The following CSTPP1 variants were observed in gnomAD, a reference collection of about 807,000 sequenced individuals.
The protein encoded by CSTPP1 is centriolar satellite-associated tubulin polyglutamylase complex regulator 1.
the CSTPP1 span, among the ~76,000 whole-genome samples, chr11:47,101,774 G>A: frequency 6.6e-6 from 1 of 152,074 alleles, no homozygotes; most frequent in South Asian, 2.1e-4. Context: ...ATGGAGAGAC[G>A]GGGTTGGCAG....
At chr11:46,971,297 A>G in the CSTPP1 span, among the ~76,000 whole-genome samples, 2 of 152,232 alleles carry the variant, frequency 1.3e-5, no homozygotes, top group East Asian at 3.8e-4. Context: ...TAAATAAACC[A>G]CTGGAAATAA....
At chr11:47,138,979 CAAAAAAAAAAAAAAAAAAAAA>C in the CSTPP1 span, among the ~76,000 whole-genome samples, 28 of 40,904 alleles carry the variant, frequency 6.8e-4, 1 homozygote, top group East Asian at 0.032. Flanking sequence ...GACTCCGTCT[CAAAAAAAAAAAAAAAAAAAAA>C]AAAAAAAAAA....
At chr11:47,102,225 A>T in the CSTPP1 span, among the ~76,000 whole-genome samples, 3 of 152,192 alleles carry the variant, frequency 2.0e-5, no homozygotes, top group Admixed American at 6.5e-5. Context: ...CCAGTGTGAA[A>T]AAAAGGATTT....
the CSTPP1 span, chr11:47,004,563 G>T: frequency 6.6e-6 from 1 of 152,144 alleles, no homozygotes; most frequent in African/African-American, 2.4e-5. Context: ...TTGCCTGCAT[G>T]ACTCTTAACC....
chr11:47,143,223 T>C, the CSTPP1 span, among the ~76,000 whole-genome samples: 1 of 152,226 alleles, frequency 6.6e-6, no homozygotes, highest in South Asian at 2.1e-4. Flanking sequence ...TAAACTATTC[T>C]CATTTTGTCC....
At chr11:47,101,545 A>G in the CSTPP1 span, among the ~76,000 whole-genome samples, 1 of 151,822 alleles carries the variant, frequency 6.6e-6, no homozygotes. Context: ...TCAGGAGCAT[A>G]TCATAATTTA....
chr11:47,142,481 T>C, the CSTPP1 span, among the ~76,000 whole-genome samples: 7 of 152,214 alleles, frequency 4.6e-5, no homozygotes, highest in East Asian at 1.4e-3. Flanking sequence ...GGGGATACAG[T>C]CATGAATAAG....
the CSTPP1 span, among the ~76,000 whole-genome samples, chr11:47,059,193 G>C: frequency 2.6e-5 from 4 of 152,138 alleles, no homozygotes; most frequent in Admixed American, 2.0e-4. Context: ...GGTCCTGTTG[G>C]GGGGCTGGGG....
At chr11:47,064,729 TTTTG>T in the CSTPP1 span, among the ~76,000 whole-genome samples, 972 of 152,106 alleles carry the variant, frequency 6.4e-3, 5 homozygotes, top group Non-Finnish European at 0.01. Flanking sequence ...GGTTTTTTTG[TTTTG>T]TTTGTTTGTT....
At chr11:47,159,693 C>T in the CSTPP1 span, 1 of 456,056 alleles carries the variant, frequency 2.2e-6, no homozygotes, top group African/African-American at 2.0e-5. Context: ...AACCTCATCC[C>T]CCTTTTCTAA....
At chr11:46,970,782 T>G in the CSTPP1 span, among the ~76,000 whole-genome samples, 2 of 152,154 alleles carry the variant, frequency 1.3e-5, no homozygotes, top group African/African-American at 2.4e-5. Flanking sequence ...TATGTTACAG[T>G]CCTGTCAAGC....
chr11:46,985,243 G>C, the CSTPP1 span, among the ~76,000 whole-genome samples: 1 of 152,204 alleles, frequency 6.6e-6, no homozygotes, highest in Non-Finnish European at 1.5e-5. Context: ...AGGTCACCGC[G>C]ATCATTATGG....
chr11:47,149,958 A>T, the CSTPP1 span, among the ~76,000 whole-genome samples: 1 of 152,008 alleles, frequency 6.6e-6, no homozygotes, highest in African/African-American at 2.4e-5. Context: ...GCAGCTTGAA[A>T]ATGTCTCTAG....
At chr11:47,056,400 T>C in the CSTPP1 span, among the ~76,000 whole-genome samples, 1 of 152,196 alleles carries the variant, frequency 6.6e-6, no homozygotes, top group South Asian at 2.1e-4. Flanking sequence ...TGGGGCCTCT[T>C]CAAGAATGTA....
At chr11:47,021,000 A>G in the CSTPP1 span, among the ~76,000 whole-genome samples, 1 of 152,206 alleles carries the variant, frequency 6.6e-6, no homozygotes, top group East Asian at 1.9e-4. Flanking sequence ...ATTATTCATC[A>G]GGAGTTTAGG....
the CSTPP1 span, chr11:47,157,997 C>A: frequency 1.1e-5 from 15 of 1,334,020 alleles, no homozygotes; most frequent in Non-Finnish European, 1.5e-5. Flanking sequence ...GTTAGCAACA[C>A]GGCTCCAGAG....
At chr11:47,056,625 C>G in the CSTPP1 span, among the ~76,000 whole-genome samples, 3 of 152,156 alleles carry the variant, frequency 2.0e-5, no homozygotes, top group South Asian at 6.2e-4. Context: ...ATTTCTTAGA[C>G]TAAATGCAAC....
chr11:46,944,175 G>A, the CSTPP1 span, among the ~76,000 whole-genome samples: 3 of 151,828 alleles, frequency 2.0e-5, no homozygotes, highest in African/African-American at 7.3e-5. Context: ...AAAATTAGCA[G>A]AGCGTGGGGG....
chr11:47,038,394 A>C, the CSTPP1 span, among the ~76,000 whole-genome samples: 1 of 74,950 alleles, frequency 1.3e-5, no homozygotes, highest in Non-Finnish European at 3.2e-5. Flanking sequence ...ACTTCCCAGT[A>C]GGGGCGGCCG....
Sources: gnomAD v4.1 joint callset for allele counts (sites outside exome capture counted in the v4.1 genomes callset) on GRCh38, gnomAD v4.1.1 for gene constraint, MANE v1.5 for transcripts, NCBI Gene and HGNC (gene_info 2026-07-23, HGNC 2026-07-21) for gene names.